MYO5B: variants seen among roughly 807,000 people sequenced by gnomAD.
The protein encoded by MYO5B is myosin VB.
Under a neutral mutation model 229.3 loss-of-function variants are expected in MYO5B, and 143 were observed. The ratio of observed to expected loss-of-function variants is 0.62; its 90% CI spans 0.54 to 0.72. The LOEUF is 0.72. Ranked by LOEUF, MYO5B falls within the 30% of genes least tolerant of loss-of-function variation. The pLI, the probability that MYO5B is intolerant of heterozygous loss-of-function variation, is 0.00. For synonymous variants in MYO5B, 918 were observed against 885.2 expected (o/e 1.04, Z -0.66); for missense variants, 2,321 against 2,331.0 (o/e 1.00, Z 0.09).
In MYO5B at chr18:50,145,497, C is replaced by CA. The variant is rs369507800; in HGVS notation, c.27+49269dup. Reference sequence around the variant, plus strand: ...TGGGCAACAGAGCAAGACTCCATCTCAAAAAAAAAAAAAAAAAAAAAAAAA... The same window carrying CA: ...TGGGCAACAGAGCAAGACTCCATCTCAAAAAAAAAAAAAAAAAAAAAAAAAA... On this transcript the variant is annotated intron_variant, in intron 1 of 39. Transcript: ENST00000285039. Among the ~76,000 whole-genome samples the CA allele has an allele frequency of 1.7e-3, 121 of 69,982 alleles. 6 individuals are homozygous for CA. Among genetic ancestry groups the CA allele is most frequent in the African/African-American group, 6.7e-3 (116 of 17,238 alleles). 45.9% of individuals were successfully genotyped at this position (69,982 alleles called of 152,430 possible). A position where few individuals can be genotyped will look rare whatever the true frequency, so the allele number is the denominator to read the frequency against.
At chr18:49,876,890 T>C (rs2024529784) in intron 25 of MYO5B, among the ~76,000 whole-genome samples, 1 of 152,238 alleles carries the variant, frequency 6.6e-6, no homozygotes, top group Non-Finnish European at 1.5e-5. Flanking sequence ...TGATGGTCTC[T>C]TATTTTTCTT....
At chr18:50,032,056 C>A (rs1468465801) in intron 4 of MYO5B, among the ~76,000 whole-genome samples, 4 of 152,216 alleles carry the variant, frequency 2.6e-5, no homozygotes, top group African/African-American at 9.6e-5. Context: ...TTCACCCCAG[C>A]CTGCAAAGGC....
intron 1 of MYO5B, among the ~76,000 whole-genome samples, chr18:50,154,466 A>G (rs1197173212): frequency 2.0e-5 from 3 of 152,160 alleles, no homozygotes; most frequent in African/African-American, 7.2e-5. Context: ...GCCTACCTGC[A>G]TATTGGGGAA....
chr18:50,023,253 A>C (rs2026296305), intron 4 of MYO5B, among the ~76,000 whole-genome samples: 1 of 152,188 alleles, frequency 6.6e-6, no homozygotes, highest in South Asian at 2.1e-4. Context: ...AGAGCTCTAG[A>C]GAATGGGAGC....
Position 50,149,367 on chromosome 18 carries a change from A to G in MYO5B, c.27+45400T>C, listed in dbSNP as rs866389725. Among the ~76,000 whole-genome samples the G allele has an allele frequency of 3.7e-3, 563 of 151,498 alleles. 3 individuals are homozygous for G. The highest frequency in any genetic ancestry group is 0.012 in the African/African-American group (496 of 41,316). On this transcript the variant is annotated intron_variant, in intron 1 of 39. Coordinates refer to ENST00000285039, the MANE Select transcript of MYO5B (RefSeq NM_001080467.3). ...TTCATATGGAACCAAAAAAGAGCCC[A>G]CATCGCCAAGTCAATCCTAAGCCAA...
At chr18:50,011,848 C>T (rs182133947) in intron 4 of MYO5B, among the ~76,000 whole-genome samples, 12 of 152,018 alleles carry the variant, frequency 7.9e-5, no homozygotes, top group Non-Finnish European at 1.8e-4. Flanking sequence ...TGCTTAGCAC[C>T]CTTGCACCAG....
chr18:50,031,586 C>T (rs1422162030), intron 4 of MYO5B, among the ~76,000 whole-genome samples: 1 of 152,188 alleles, frequency 6.6e-6, no homozygotes, highest in African/African-American at 2.4e-5. Context: ...AATTCCCTGC[C>T]TTTCATCCAT....
chr18:49,902,406 C>A (rs916006558), intron 21 of MYO5B, among the ~76,000 whole-genome samples, 188 bp downstream of exon 21: 1 of 152,208 alleles, frequency 6.6e-6, no homozygotes, highest in African/African-American at 2.4e-5. Flanking sequence ...ACTCACAGAT[C>A]CCAGGGCTGA....
At chr18:49,985,405 C>T (rs2025860217) in intron 7 of MYO5B, among the ~76,000 whole-genome samples, 1 of 152,152 alleles carries the variant, frequency 6.6e-6, no homozygotes, top group South Asian at 2.1e-4. Context: ...TGGTAACAGC[C>T]TAGGGGACAG....
chr18:50,181,442 C>A lies in MYO5B; in HGVS notation c.27+13325G>T, dbSNP rs144449372. The stretch of plus-strand genomic sequence containing the variant: ...TCCATACCTGGAAGCAACACACAGT[C>A]CACAATAGCAAGATAGTCAGTGAGT... On this transcript the variant is annotated intron_variant, in intron 1 of 39. Coordinates refer to ENST00000285039, the MANE Select transcript of MYO5B (RefSeq NM_001080467.3). Among the ~76,000 whole-genome samples the A allele has an allele frequency of 1.2e-3, 181 of 152,316 alleles. 1 individual carries two copies. Among genetic ancestry groups the A allele is most frequent in the South Asian group, 7.0e-3 (34 of 4,826 alleles).
At chr18:50,120,926 C>T (rs1473388477) in intron 1 of MYO5B, among the ~76,000 whole-genome samples, 1 of 152,202 alleles carries the variant, frequency 6.6e-6, no homozygotes, top group Non-Finnish European at 1.5e-5. Context: ...TAAGGCCAAA[C>T]TCCTCAGCTA....
intron 22 of MYO5B, among the ~76,000 whole-genome samples, chr18:49,891,106 C>T (rs1242457389): frequency 6.6e-6 from 1 of 152,156 alleles, no homozygotes; most frequent in Non-Finnish European, 1.5e-5. Flanking sequence ...TGTGCTCCTG[C>T]TGTTTGCCTC....
intron 2 of MYO5B, among the ~76,000 whole-genome samples, chr18:50,041,213 A>G (rs1327261127): frequency 6.6e-6 from 1 of 152,198 alleles, no homozygotes; most frequent in East Asian, 1.9e-4. Context: ...GATTCAGGCA[A>G]CTGAAATTTA....
chr18:50,077,065 T>C (rs538724262), intron 1 of MYO5B, among the ~76,000 whole-genome samples: 7 of 151,458 alleles, frequency 4.6e-5, no homozygotes, highest in Admixed American at 1.3e-4. Flanking sequence ...CTCTTTATGC[T>C]GTGAGGATGC....
At chr18:49,867,296 G>C (rs2024407730) in intron 27 of MYO5B, among the ~76,000 whole-genome samples, 1 of 152,228 alleles carries the variant, frequency 6.6e-6, no homozygotes, top group South Asian at 2.1e-4. Flanking sequence ...AGAAAGTCTA[G>C]ATGCTTGGGT....
At chr18:49,981,538 G>C (rs998107312) in intron 8 of MYO5B, among the ~76,000 whole-genome samples, 2 of 152,176 alleles carry the variant, frequency 1.3e-5, no homozygotes, top group African/African-American at 4.8e-5. Context: ...AAGCATCATA[G>C]ATTTACTTTT....
chr18:50,114,251 C>T (rs981469199), intron 1 of MYO5B, among the ~76,000 whole-genome samples: 1 of 151,952 alleles, frequency 6.6e-6, no homozygotes, highest in African/African-American at 2.4e-5. Flanking sequence ...CTTTAAACTG[C>T]CGTGCTGTTA....
chr18:49,929,988 A>C (rs1407945554), intron 16 of MYO5B, among the ~76,000 whole-genome samples: 1 of 152,144 alleles, frequency 6.6e-6, no homozygotes, highest in Non-Finnish European at 1.5e-5. Context: ...CCAAGCATAT[A>C]TGCTTAGCCC....
intron 12 of MYO5B, among the ~76,000 whole-genome samples, chr18:49,960,081 T>TC (rs2025541229): frequency 6.6e-6 from 1 of 151,718 alleles, no homozygotes; most frequent in South Asian, 2.1e-4. Context: ...CCCTGCACAC[T>TC]CCCCCTTTAA....
Sources: allele counts gnomAD v4.1 joint callset (sites outside exome capture counted in the v4.1 genomes callset), GRCh38; gene constraint gnomAD v4.1.1; transcripts MANE v1.5; gene names NCBI Gene and HGNC (gene_info 2026-07-23, HGNC 2026-07-21).